Variants in DNAH11 observed in about 807,000 individuals in gnomAD.
The protein encoded by DNAH11 is dynein axonemal heavy chain 11, also known as axonemal beta dynein heavy chain 11.
Under a neutral mutation model 526.0 loss-of-function variants are expected in DNAH11, and 442 were observed. The observed-to-expected ratio is 0.84, with a 90% CI of 0.78 to 0.91. The LOEUF is 0.91. Ranked by LOEUF, DNAH11 falls within the 40% of genes least tolerant of loss-of-function variation. The probability of loss-of-function intolerance (pLI) is 0.00; values close to 1 mark genes in which losing one functional copy is unlikely to be tolerated. For synonymous variants in DNAH11, 2,461 were observed against 1,935.9 expected (o/e 1.27, Z -7.12); for missense variants, 6,989 against 5,448.7 (o/e 1.28, Z -8.90).
chr7:21,901,111 CAAGAAACCA>C lies in DNAH11; in HGVS notation c.13411_13419del (p.Glu4471_Lys4473del). The C allele has an allele frequency of 6.2e-7, 1 of 1,613,954 alleles. No homozygotes were observed. The highest frequency in any genetic ancestry group is 8.5e-7 in the Non-Finnish European group (1 of 1,179,824). ...TGCAAAAGCCACCCCCGTGGACAGA[CAAGAAACCA>C]AACAGACCTACGAGTGCCCTGTGTA... On this transcript the variant is annotated inframe_deletion, in exon 82 of 82. Coordinates refer to ENST00000409508, the MANE Select transcript of DNAH11 (RefSeq NM_001277115.2).
chr7:21,593,518 A>C (rs956795478), intron 14 of DNAH11, among the ~76,000 whole-genome samples: 1 of 152,050 alleles, frequency 6.6e-6, no homozygotes, highest in Non-Finnish European at 1.5e-5. Flanking sequence ...TTTGTATGTT[A>C]ACTGCAGTAA....
rs566277409 is a variant in DNAH11 at position 21,838,613 on chromosome 7, G to A, written c.10692-3931G>A. Among the ~76,000 whole-genome samples, 31 of 152,120 alleles carry A rather than the reference G, an allele frequency of 2.0e-4. No homozygotes were observed. The East Asian group carries it at 2.5e-3, about 12-fold the overall frequency. ...TACATTTTCAGGTTTCATTTGTGTCGTAGCATGTATCAATACTTCATTCCA... is the reference window on the plus strand; with the variant it reads ...TACATTTTCAGGTTTCATTTGTGTCATAGCATGTATCAATACTTCATTCCA... On this transcript the variant is annotated intron_variant, in intron 65 of 81. Transcript: ENST00000409508.
intron 20 of DNAH11, among the ~76,000 whole-genome samples, chr7:21,608,567 A>T (rs999582213): frequency 1.2e-4 from 19 of 152,218 alleles, no homozygotes; most frequent in African/African-American, 4.1e-4. Flanking sequence ...CTATAGCATC[A>T]TGTTGCCTCT....
intron 56 of DNAH11, among the ~76,000 whole-genome samples, chr7:21,777,452 T>C (rs550695224): frequency 2.0e-5 from 3 of 152,214 alleles, no homozygotes; most frequent in African/African-American, 7.2e-5. Flanking sequence ...AATTACTGAA[T>C]TGTGTGGTAC....
At chr7:21,891,148 A>ACTT (rs1784312211) in intron 76 of DNAH11, among the ~76,000 whole-genome samples, 1 of 152,170 alleles carries the variant, frequency 6.6e-6, no homozygotes, top group African/African-American at 2.4e-5. Context: ...TGGAGCTTAT[A>ACTT]CTTCTAAGGT....
intron 54 of DNAH11, among the ~76,000 whole-genome samples, chr7:21,754,551 G>T (rs1786543398): frequency 6.6e-6 from 1 of 150,452 alleles, no homozygotes; most frequent in African/African-American, 2.4e-5. Flanking sequence ...TTTTGAGTTA[G>T]ATGTGGATAA....
At chr7:21,681,497 T>G (rs1562487382) in intron 30 of DNAH11, 49 bp from the exon 31 acceptor site, 3 of 1,575,298 alleles carry the variant, frequency 1.9e-6, no homozygotes, top group Middle Eastern at 1.7e-4. Context: ...GGCTCTTAAA[T>G]TCTGTATTTG....
chr7:21,606,134 AAC>A (rs1175265142), intron 18 of DNAH11, among the ~76,000 whole-genome samples: 2 of 152,110 alleles, frequency 1.3e-5, no homozygotes, highest in African/African-American at 4.8e-5. Flanking sequence ...GACCAGCCTG[AAC>A]AACATGCTGA....
At chr7:21,648,751 TC>T (rs1387566562) in intron 28 of DNAH11, among the ~76,000 whole-genome samples, 7 of 152,356 alleles carry the variant, frequency 4.6e-5, no homozygotes, top group African/African-American at 1.7e-4. Context: ...GGATATATAT[TC>T]ATCAGTATCA....
At chr7:21,683,452 C>T (rs1297637175) in intron 31 of DNAH11, among the ~76,000 whole-genome samples, 1 of 152,128 alleles carries the variant, frequency 6.6e-6, no homozygotes, top group Non-Finnish European at 1.5e-5. Flanking sequence ...TAAATATAGA[C>T]AGTATATTTT....
At chr7:21,650,621 T>C (rs1216699461) in intron 28 of DNAH11, among the ~76,000 whole-genome samples, 1 of 151,312 alleles carries the variant, frequency 6.6e-6, no homozygotes, top group African/African-American at 2.4e-5. Context: ...AAAACTGTTA[T>C]TTAATTTTAT....
chr7:21,704,371 T>G lies in DNAH11; in HGVS notation c.6274-63T>G. 3 of 1,461,842 alleles carry G rather than the reference T, an allele frequency of 2.1e-6. No homozygotes were observed. In the South Asian group the frequency reaches 3.8e-5, roughly 19 times the overall value. 90.6% of individuals were successfully genotyped at this position (1,461,842 alleles called of 1,614,324 possible). A position where few individuals can be genotyped will look rare whatever the true frequency, so the allele number is the denominator to read the frequency against. On this transcript the variant is annotated intron_variant, in intron 37 of 81. Transcript: ENST00000409508. ...TGAGGAGTAAAAATAACAAACATCT[T>G]TAGTTTTTTAGGTGTTTGTTAGACC... is the stretch of plus-strand genomic sequence containing the variant.
chr7:21,632,458 A>G (rs1207022026), intron 25 of DNAH11, among the ~76,000 whole-genome samples: 1 of 152,124 alleles, frequency 6.6e-6, no homozygotes, highest in Non-Finnish European at 1.5e-5. Flanking sequence ...CTTCCCTTAT[A>G]AAACTGAATT....
Position 21,681,559 on chromosome 7 carries a change from A to G in DNAH11, c.5342A>G (p.Asn1781Ser). Residue 1781 changes from asparagine to serine, a missense_variant, in exon 31 of 82, where the codon AAT becomes AGT. By Grantham distance (46) the Asn-to-Ser change is conservative. Transcript: ENST00000409508. ...GATTCCTTCTAGATTTCTCAGCTGA[A>G]TACACTGATTACACTTTTGCTGGGA... ...DFHKKQISQL[N>S]TLITLLLGEL... 6.2e-7 allele frequency: 1 copy of G among 1,613,858 alleles called. No homozygotes were observed. Among genetic ancestry groups the G allele is most frequent in the Non-Finnish European group, 8.5e-7 (1 of 1,179,750 alleles).
At chr7:21,553,070 ATTTTTTT>A (rs35121910) in intron 2 of DNAH11, among the ~76,000 whole-genome samples, 37 of 66,772 alleles carry the variant, frequency 5.5e-4, no homozygotes, top group Middle Eastern at 0.012. Context: ...TATAAATGGG[ATTTTTTT>A]TTTTTTTTTT....
At chr7:21,820,815 C>T (rs937576342) in intron 65 of DNAH11, among the ~76,000 whole-genome samples, 2 of 152,098 alleles carry the variant, frequency 1.3e-5, no homozygotes, top group African/African-American at 2.4e-5. Context: ...CCTGGAGTCT[C>T]CATATTTTCA....
At chr7:21,643,198 A>T (rs1355429120) in intron 28 of DNAH11, among the ~76,000 whole-genome samples, 1 of 152,172 alleles carries the variant, frequency 6.6e-6, no homozygotes, top group Non-Finnish European at 1.5e-5. Context: ...CTTTCAGAAA[A>T]ACATTTGTAT....
chr7:21,874,069 A>G (rs1294147875), intron 74 of DNAH11, among the ~76,000 whole-genome samples: 5 of 151,762 alleles, frequency 3.3e-5, no homozygotes, highest in Admixed American at 2.0e-4. Context: ...GGGATTACAG[A>G]CATGAGCCAC....
chr7:21,594,554 C>A (rs187033158), intron 14 of DNAH11, among the ~76,000 whole-genome samples: 1 of 152,084 alleles, frequency 6.6e-6, no homozygotes, highest in Non-Finnish European at 1.5e-5. Context: ...AGGGTGGGGT[C>A]GAGGATGCAG....
Sources: allele counts gnomAD v4.1 joint callset (sites outside exome capture counted in the v4.1 genomes callset), GRCh38; gene constraint gnomAD v4.1.1; transcripts MANE v1.5; gene names NCBI Gene and HGNC (gene_info 2026-07-23, HGNC 2026-07-21).